MLLT3: variants seen among roughly 807,000 people sequenced by gnomAD.
MLLT3 encodes protein AF-9.
A neutral mutation model predicts 53.2 loss-of-function variants in MLLT3; 4 were observed. The ratio of observed to expected loss-of-function variants is 0.08; its 90% CI spans 0.04 to 0.17. The LOEUF (loss-of-function observed/expected upper bound fraction) is 0.17, where lower values mean the gene tolerates loss of function less well. Ranked by LOEUF, MLLT3 falls within the 10% of genes least tolerant of loss-of-function variation. The probability of loss-of-function intolerance (pLI) is 1.00; values close to 1 mark genes in which losing one functional copy is unlikely to be tolerated. For missense variants in MLLT3, 569 were observed against 684.0 expected (o/e 0.83, Z 1.87); for synonymous variants, 283 against 230.6 (o/e 1.23, Z -2.06).
At chr9:20,455,511 G>C (rs1320596035) in intron 3 of MLLT3, among the ~76,000 whole-genome samples, 1 of 152,140 alleles carries the variant, frequency 6.6e-6, no homozygotes, top group Non-Finnish European at 1.5e-5. Context: ...TGATACATCT[G>C]GGTAGAATTT....
intron 10 of MLLT3, among the ~76,000 whole-genome samples, chr9:20,353,229 T>A (rs7037813): frequency 1.3e-5 from 2 of 152,164 alleles, no homozygotes; most frequent in East Asian, 1.9e-4. Flanking sequence ...GTCCCCTCCC[T>A]GAGCCCACAT....
At chr9:20,603,238 A>T (rs567702753) in intron 2 of MLLT3, among the ~76,000 whole-genome samples, 1 of 152,170 alleles carries the variant, frequency 6.6e-6, no homozygotes, top group East Asian at 1.9e-4. Context: ...TTCAAAATCT[A>T]TATAATAAGC....
chr9:20,477,388 T>C (rs1824551184), intron 2 of MLLT3, among the ~76,000 whole-genome samples: 1 of 152,096 alleles, frequency 6.6e-6, no homozygotes. Flanking sequence ...AGTCTCTGTT[T>C]TATAATGGCA....
rs1323617267 is a variant in MLLT3, at chr9:20,567,237, C to G, written c.193+53417G>C. On this transcript the variant is annotated intron_variant, in intron 2 of 10. Coordinates refer to ENST00000380338, the MANE Select transcript of MLLT3 (RefSeq NM_004529.4). ...ATTAAAATTAGGCTGGGTCCCTTTT[C>G]TCCAAGAATCTAAATTAAACGTGTT... 4.5e-5 allele frequency among the ~76,000 whole-genome samples: 6 copies of G among 134,642 alleles called. No homozygotes were observed. In the East Asian group the frequency reaches 1.4e-3, roughly 31 times the overall value. The allele number at this position is 134,642 out of a possible 152,430, so 88.3% of individuals were successfully genotyped here.
At chr9:20,481,719 C>T (rs1563779402) in intron 2 of MLLT3, among the ~76,000 whole-genome samples, 1 of 152,158 alleles carries the variant, frequency 6.6e-6, no homozygotes, top group Non-Finnish European at 1.5e-5. Context: ...GTTAAAACTC[C>T]CTTCCACTTC....
intron 2 of MLLT3, among the ~76,000 whole-genome samples, chr9:20,596,469 C>A (rs1478111493): frequency 6.6e-6 from 1 of 152,212 alleles, no homozygotes; most frequent in Non-Finnish European, 1.5e-5. Flanking sequence ...GCAGGCGGAT[C>A]ACCTGAGGTC....
chr9:20,427,789 T>A (rs560591966), intron 4 of MLLT3, among the ~76,000 whole-genome samples: 46 of 152,070 alleles, frequency 3.0e-4, no homozygotes, highest in Non-Finnish European at 4.6e-4. Flanking sequence ...TTTTTAGGAA[T>A]TTTTTTCAGC....
chr9:20,393,729 T>A (rs991247183), intron 5 of MLLT3, among the ~76,000 whole-genome samples: 2 of 152,220 alleles, frequency 1.3e-5, no homozygotes, highest in Non-Finnish European at 2.9e-5. Context: ...AAAGTCATTA[T>A]TGGATTTTTT....
intron 2 of MLLT3, among the ~76,000 whole-genome samples, chr9:20,587,815 T>A (rs1820014421): frequency 6.6e-6 from 1 of 152,178 alleles, no homozygotes; most frequent in South Asian, 2.1e-4. Flanking sequence ...GATGGTAGTT[T>A]CTTTTGCTGT....
Position 20,360,835 on chromosome 9 carries a change from G to A in MLLT3, c.1338C>T (p.Ser446=). ...NRGGSRSRRV[S]LSDGSDSESS... ...TTTCACTATCGCTGCCATCACTTAA[G>A]CTAACTCTGAAAAGAAACAGACAAG... The change falls in exon 8 of 11, where the codon AGC becomes AGT. Residue 446 remains serine, a synonymous_variant. Transcript: ENST00000380338. The A allele has an allele frequency of 6.2e-7, 1 of 1,613,630 alleles. No homozygotes were observed. The highest frequency in any genetic ancestry group is 8.5e-7 in the Non-Finnish European group (1 of 1,179,528).
chr9:20,574,662 T>G lies in MLLT3; in HGVS notation c.193+45992A>C, dbSNP rs1259164863. ...TGCCACATCCATCCCCTCATTTTGCTAGTGGAGGGTCCTGCCTGGATGTTG... is the reference window on the plus strand; with the variant it reads ...TGCCACATCCATCCCCTCATTTTGCGAGTGGAGGGTCCTGCCTGGATGTTG... On this transcript the variant is annotated intron_variant, in intron 2 of 10. Transcript: ENST00000380338. Among the ~76,000 whole-genome samples, 3 of 152,198 alleles carry G rather than the reference T, an allele frequency of 2.0e-5. No homozygotes were observed. The South Asian group carries it at 6.2e-4, about 32-fold the overall frequency.
chr9:20,541,120 C>A (rs1465294472), intron 2 of MLLT3, among the ~76,000 whole-genome samples: 1 of 152,188 alleles, frequency 6.6e-6, no homozygotes, highest in Non-Finnish European at 1.5e-5. Flanking sequence ...TACTCCAGTT[C>A]CCAATAAGTT....
intron 5 of MLLT3, among the ~76,000 whole-genome samples, chr9:20,369,389 T>C (rs1821537070): frequency 6.6e-6 from 1 of 152,170 alleles, no homozygotes; most frequent in East Asian, 1.9e-4. Context: ...TTGAAAGAAT[T>C]TTAAATTTAA....
In MLLT3 at chr9:20,620,517, G is replaced by C. The variant is rs1820971048; in HGVS notation, c.193+137C>G. 2 of 552,450 alleles carry C rather than the reference G, an allele frequency of 3.6e-6. No individual in the cohort carries two copies. The highest frequency in any genetic ancestry group is 5.1e-6 in the Non-Finnish European group (2 of 393,098). The allele number at this position is 552,450 out of a possible 1,614,324, so 34.2% of individuals were successfully genotyped here. On this transcript the variant is annotated intron_variant, in intron 2 of 10. Transcript: ENST00000380338. This position sits in a 1 kb window ranked among gnomAD's most constrained non-coding sequence, Gnocchi z 6.1. ...CGGGAGCCGGGACCTGGCCCGCGCG[G>C]CGCCGCGCACCCGGATCCCGAGGCT... is the stretch of plus-strand genomic sequence containing the variant.
At chr9:20,585,987 C>T (rs1046809028) in intron 2 of MLLT3, among the ~76,000 whole-genome samples, 2 of 152,076 alleles carry the variant, frequency 1.3e-5, no homozygotes, top group Admixed American at 6.5e-5. Context: ...CTTTTCCTCA[C>T]GGGCTGCTGA....
At chr9:20,608,858 T>C (rs78523297) in intron 2 of MLLT3, among the ~76,000 whole-genome samples, 353 of 152,094 alleles carry the variant, frequency 2.3e-3, no homozygotes, top group African/African-American at 7.9e-3. Flanking sequence ...CAATAAGAAG[T>C]TCCTGATATC....
chr9:20,456,614 C>T, intron 3 of MLLT3, 90 bp downstream of exon 3: 1 of 910,056 alleles, frequency 1.1e-6, no homozygotes, highest in African/African-American at 1.7e-5. Context: ...CATCTAGTGA[C>T]AGAAGTGCTT....
At chr9:20,601,324 T>A (rs923628886) in intron 2 of MLLT3, among the ~76,000 whole-genome samples, 5 of 152,230 alleles carry the variant, frequency 3.3e-5, no homozygotes, top group African/African-American at 1.2e-4. Context: ...TTATTCTGCG[T>A]GTTTCTAAAA....
intron 2 of MLLT3, among the ~76,000 whole-genome samples, chr9:20,528,645 A>C (rs1349384154): frequency 6.6e-6 from 1 of 152,206 alleles, no homozygotes; most frequent in African/African-American, 2.4e-5. Flanking sequence ...GTGTGTCTCC[A>C]TCTTCACAGT....
Sources: gnomAD v4.1 joint callset for allele counts (sites outside exome capture counted in the v4.1 genomes callset) on GRCh38, gnomAD v4.1.1 for gene constraint, Gnocchi (gnomAD v3.1) non-coding constraint, MANE v1.5 for transcripts, NCBI Gene and HGNC (gene_info 2026-07-23, HGNC 2026-07-21) for gene names.